The following TMC1 variants were observed in gnomAD, a reference collection of about 807,000 sequenced individuals.
TMC1 encodes the protein transmembrane channel like 1.
A neutral mutation model predicts 105.8 loss-of-function variants in TMC1; 84 were observed. The ratio of observed to expected loss-of-function variants is 0.79; its 90% CI spans 0.67 to 0.95. TMC1 has a LOEUF of 0.95. Among genes scored for constraint, TMC1 ranks in the 40% least tolerant of loss-of-function variants. TMC1 has a pLI of 0.00. For synonymous variants in TMC1, 315 were observed against 311.5 expected, an observed-to-expected ratio of 1.01 and a Z score of -0.12; for missense variants, 817 against 914.1, an observed-to-expected ratio of 0.89 and a Z score of 1.37.
chr9:72,696,339 C>G (rs1470402), intron 7 of TMC1, among the ~76,000 whole-genome samples: 77,866 of 151,934 alleles, frequency 0.51, 21,284 homozygotes, highest in African/African-American at 0.73. Flanking sequence ...TAACCCAACT[C>G]TCTCCATAGG....
chr9:72,544,787 C>CATT (rs1823737089), intron 1 of TMC1, among the ~76,000 whole-genome samples: 1 of 143,014 alleles, frequency 7.0e-6, no homozygotes, highest in African/African-American at 2.6e-5. Context: ...GCCTTTTTAC[C>CATT]TTTTTTTTTT....
chr9:72,650,722 A>G (rs1483469213), intron 5 of TMC1, among the ~76,000 whole-genome samples: 1 of 151,182 alleles, frequency 6.6e-6, no homozygotes, highest in Non-Finnish European at 1.5e-5. Flanking sequence ...AGTTCTTATC[A>G]TTATCATACT....
intron 1 of TMC1, among the ~76,000 whole-genome samples, chr9:72,553,253 G>T (rs955403781): frequency 3.3e-5 from 5 of 152,126 alleles, no homozygotes; most frequent in Non-Finnish European, 7.3e-5. Flanking sequence ...GATTATAGGC[G>T]TGAGTCACCA....
intron 20 of TMC1, among the ~76,000 whole-genome samples, chr9:72,825,819 G>C (rs1250353804): frequency 6.6e-6 from 1 of 152,000 alleles, no homozygotes; most frequent in Admixed American, 6.5e-5. Context: ...TGTATCATAA[G>C]TCTTGAAAAT....
intron 3 of TMC1, among the ~76,000 whole-genome samples, chr9:72,623,691 T>G (rs1255649582): frequency 6.6e-6 from 1 of 152,150 alleles, no homozygotes; most frequent in Non-Finnish European, 1.5e-5. Flanking sequence ...CTGTTAGTGC[T>G]GTGTGTATTC....
intron 3 of TMC1, among the ~76,000 whole-genome samples, chr9:72,623,655 C>T (rs1022587920): frequency 1.3e-5 from 2 of 152,144 alleles, no homozygotes; most frequent in African/African-American, 4.8e-5. Flanking sequence ...TGCATTTTAG[C>T]TACTGGGCGG....
chr9:72,576,251 A>G (rs1824377698), intron 1 of TMC1, among the ~76,000 whole-genome samples: 1 of 152,166 alleles, frequency 6.6e-6, no homozygotes, highest in African/African-American at 2.4e-5. Flanking sequence ...GTTGGCCAAG[A>G]GGGTAAAAAT....
At chr9:72,733,925 T>C (rs2117993358) in intron 8 of TMC1, among the ~76,000 whole-genome samples, 1 of 152,298 alleles carries the variant, frequency 6.6e-6, no homozygotes, top group Middle Eastern at 3.4e-3. Flanking sequence ...CTCTTTGGCA[T>C]ATCCAAATTG....
chr9:72,814,209 G>A (rs1258311313), intron 18 of TMC1, among the ~76,000 whole-genome samples: 1 of 152,176 alleles, frequency 6.6e-6, no homozygotes, highest in Non-Finnish European at 1.5e-5. Context: ...GAGAAAGGCT[G>A]TTCCAAGGCA....
intron 8 of TMC1, among the ~76,000 whole-genome samples, chr9:72,717,051 C>T (rs967622646): frequency 9.8e-5 from 15 of 152,306 alleles, no homozygotes; most frequent in East Asian, 1.9e-4. Flanking sequence ...GGTGAGGCAA[C>T]GCCCCACCCT....
At chr9:72,548,048 A>T (rs1245883986) in intron 1 of TMC1, among the ~76,000 whole-genome samples, 1 of 152,122 alleles carries the variant, frequency 6.6e-6, no homozygotes, top group Non-Finnish European at 1.5e-5. Context: ...TGAGCACTCT[A>T]CCTTCGCAAC....
At chr9:72,804,321 C>G (rs1270331743) in intron 17 of TMC1, among the ~76,000 whole-genome samples, 1 of 152,124 alleles carries the variant, frequency 6.6e-6, no homozygotes, top group Non-Finnish European at 1.5e-5. Context: ...GTGCAGCAAA[C>G]CACCATGGCA....
At chr9:72,593,558 A>C (rs1232909643) in intron 2 of TMC1, among the ~76,000 whole-genome samples, 2 of 132,458 alleles carry the variant, frequency 1.5e-5, no homozygotes, top group African/African-American at 3.1e-5. Flanking sequence ...ACACCTGGCT[A>C]ATTTCGTATT....
chr9:72,789,483 A>T (rs989564680), intron 15 of TMC1, among the ~76,000 whole-genome samples, 166 bp downstream of exon 15: 2 of 152,152 alleles, frequency 1.3e-5, no homozygotes, highest in African/African-American at 4.8e-5. Flanking sequence ...TTCTAGTCTT[A>T]TTTCTAAATC....
intron 6 of TMC1, among the ~76,000 whole-genome samples, chr9:72,689,351 G>A (rs1209653432): frequency 1.3e-5 from 2 of 152,064 alleles, no homozygotes; most frequent in Non-Finnish European, 2.9e-5. Context: ...ACACAGACAG[G>A]GCAGAGGGAA....
chr9:72,532,290 C>T lies in TMC1; in HGVS notation c.-428+10377C>T, dbSNP rs146267894. ...GCATGGCAGCTCACGCCTGTAATCC[C>T]AGCACTTTGGGAGGTTGAGGCGGGC... On this transcript the variant is annotated intron_variant, in intron 1 of 23. Coordinates refer to ENST00000297784, the MANE Select transcript of TMC1 (RefSeq NM_138691.3). Among the ~76,000 whole-genome samples the T allele has an allele frequency of 7.4e-3, 1,128 of 152,142 alleles. 8 individuals are homozygous for T. Among genetic ancestry groups the T allele is most frequent in the Admixed American group, 0.015 (231 of 15,286 alleles).
chr9:72,832,423 T>A (rs1277231822), intron 23 of TMC1, among the ~76,000 whole-genome samples: 1 of 152,172 alleles, frequency 6.6e-6, no homozygotes, highest in Non-Finnish European at 1.5e-5. Context: ...TCCTAGAAAT[T>A]CCTCAACCTC....
At chr9:72,608,144 T>C (rs1473127866) in intron 2 of TMC1, among the ~76,000 whole-genome samples, 2 of 152,192 alleles carry the variant, frequency 1.3e-5, no homozygotes, top group East Asian at 1.9e-4. Context: ...GCTCTGCCTG[T>C]GGCTCCATAA....
intron 1 of TMC1, among the ~76,000 whole-genome samples, chr9:72,534,891 G>C (rs1823553375): frequency 6.6e-6 from 1 of 152,102 alleles, no homozygotes; most frequent in Non-Finnish European, 1.5e-5. Flanking sequence ...AGTATTCAAA[G>C]ATAAAGGCAA....
Sources: gnomAD v4.1 joint callset for allele counts (sites outside exome capture counted in the v4.1 genomes callset) on GRCh38, gnomAD v4.1.1 for gene constraint, MANE v1.5 for transcripts, NCBI Gene and HGNC (gene_info 2026-07-23, HGNC 2026-07-21) for gene names.